SGCZ: variants seen among roughly 807,000 people sequenced by gnomAD.
The protein encoded by SGCZ is zeta-sarcoglycan.
Under a neutral mutation model 41.3 loss-of-function variants are expected in SGCZ, and 40 were observed. The ratio of observed to expected loss-of-function variants is 0.97; its 90% confidence interval spans 0.75 to 1.26. The LOEUF is 1.26. Among genes scored for constraint, SGCZ ranks in the 50% most tolerant of loss-of-function variants. SGCZ has a pLI of 0.00. For missense variants in SGCZ, 552 were observed against 369.8 expected, an observed-to-expected ratio of 1.49 and a Z score of -4.04; for synonymous variants, 206 against 137.5, an observed-to-expected ratio of 1.50 and a Z score of -3.49.
intron 1 of SGCZ, among the ~76,000 whole-genome samples, chr8:14,801,613 T>C (rs530115597): frequency 3.9e-5 from 6 of 152,068 alleles, no homozygotes; most frequent in South Asian, 2.1e-4. Flanking sequence ...GGAAACACCA[T>C]ATAGAATGGC....
intron 2 of SGCZ, among the ~76,000 whole-genome samples, chr8:14,368,286 T>G (rs1446299959): frequency 6.6e-6 from 1 of 152,092 alleles, no homozygotes; most frequent in East Asian, 1.9e-4. Context: ...TTCATTAATC[T>G]TGTCTGGGCA....
chr8:14,270,843 A>G (rs1014994392), intron 3 of SGCZ, among the ~76,000 whole-genome samples: 1 of 152,202 alleles, frequency 6.6e-6, no homozygotes, highest in Non-Finnish European at 1.5e-5. Flanking sequence ...TGTGGCACAT[A>G]TACACCATGG....
At position 14,206,072 on chromosome 8, in the gene SGCZ, C is replaced by A. The variant is rs191472667; in HGVS notation, c.424+31520G>T. On this transcript the variant is annotated intron_variant, in intron 4 of 7. Transcript: ENST00000382080. ...TATATGATTATCTAATTAAACATTT[C>A]TCTACCATTTAACAAAGCAAAAAAA... Among the ~76,000 whole-genome samples the A allele has an allele frequency of 2.0e-5, 3 of 152,172 alleles. No individual in the cohort carries two copies. The East Asian group carries it at 5.8e-4, about 29-fold the overall frequency.
intron 1 of SGCZ, among the ~76,000 whole-genome samples, chr8:14,733,822 T>C (rs1424720429): frequency 6.6e-6 from 1 of 152,178 alleles, no homozygotes; most frequent in African/African-American, 2.4e-5. Context: ...TGCTACAAAA[T>C]AGAATAAATC....
intron 1 of SGCZ, among the ~76,000 whole-genome samples, chr8:14,695,654 T>C (rs1280841687): frequency 6.6e-6 from 1 of 151,900 alleles, no homozygotes; most frequent in South Asian, 2.1e-4. Flanking sequence ...CTATAAAACC[T>C]ACATTACACA....
At chr8:15,043,824 G>A (rs575717381) in intron 1 of SGCZ, among the ~76,000 whole-genome samples, 10 of 152,102 alleles carry the variant, frequency 6.6e-5, no homozygotes, top group Non-Finnish European at 1.2e-4. Flanking sequence ...TCAGTAAACT[G>A]TGGCTCTCAG....
chr8:14,608,998 A>G (rs1034602033), intron 1 of SGCZ, among the ~76,000 whole-genome samples: 1 of 152,222 alleles, frequency 6.6e-6, no homozygotes, highest in Non-Finnish European at 1.5e-5. Context: ...TTTAAAATTT[A>G]TTATTATGTT....
At chr8:14,571,951 T>C (rs1207798759) in intron 1 of SGCZ, among the ~76,000 whole-genome samples, 1 of 152,140 alleles carries the variant, frequency 6.6e-6, no homozygotes, top group Non-Finnish European at 1.5e-5. Context: ...AAAAGGTAGG[T>C]TGGAATGAAT....
intron 5 of SGCZ, among the ~76,000 whole-genome samples, chr8:14,123,762 A>G (rs1802769745): frequency 6.6e-6 from 1 of 152,202 alleles, no homozygotes; most frequent in Non-Finnish European, 1.5e-5. Context: ...AATGGTCTCC[A>G]TCCTAATCCC....
chr8:14,278,678 T>G (rs528239269), intron 3 of SGCZ, among the ~76,000 whole-genome samples: 47 of 152,286 alleles, frequency 3.1e-4, no homozygotes, highest in African/African-American at 1.0e-3. Context: ...TTGCCATTGA[T>G]TTGATATAAT....
chr8:14,649,295 G>C (rs2117450748), intron 1 of SGCZ, among the ~76,000 whole-genome samples: 1 of 152,174 alleles, frequency 6.6e-6, no homozygotes, highest in Middle Eastern at 3.4e-3. Context: ...GCAGACTCTT[G>C]AGCAACTAAG....
chr8:14,800,211 C>A (rs542539939), intron 1 of SGCZ, among the ~76,000 whole-genome samples: 1 of 152,014 alleles, frequency 6.6e-6, no homozygotes, highest in South Asian at 2.1e-4. Context: ...AATATGTGAT[C>A]CTAACACATG....
chr8:14,441,515 C>T (rs986438550), intron 2 of SGCZ, among the ~76,000 whole-genome samples: 1 of 152,132 alleles, frequency 6.6e-6, no homozygotes, highest in African/African-American at 2.4e-5. Flanking sequence ...GTGGAGGTTG[C>T]AGTAAGCCAA....
At position 14,264,451 on chromosome 8, in the gene SGCZ, A is replaced by C. The variant is rs555701131; in HGVS notation, c.337-26772T>G. 5.3e-5 allele frequency among the ~76,000 whole-genome samples: 8 copies of C among 152,214 alleles called. No individual in the cohort carries two copies. The East Asian group carries it at 1.5e-3, about 29-fold the overall frequency. On this transcript the variant is annotated intron_variant, in intron 3 of 7. Coordinates refer to ENST00000382080, the MANE Select transcript of SGCZ (RefSeq NM_139167.4). ...AGAAATCCATGGACCCACATGCCAG[A>C]TTTCCCTTCCTTCAGGAACAAAACA...
chr8:15,107,145 G>C (rs898768257), intron 1 of SGCZ, among the ~76,000 whole-genome samples: 1 of 152,048 alleles, frequency 6.6e-6, no homozygotes, highest in South Asian at 2.1e-4. Context: ...TCATAATTGA[G>C]ATTAGTTTGT....
intron 3 of SGCZ, among the ~76,000 whole-genome samples, chr8:14,268,298 A>G (rs1202400520): frequency 6.7e-6 from 1 of 149,696 alleles, no homozygotes; most frequent in Non-Finnish European, 1.5e-5. Flanking sequence ...ATACATATAT[A>G]TATTTGTTAT....
At chr8:14,515,763 G>T (rs1802602325) in intron 2 of SGCZ, among the ~76,000 whole-genome samples, 1 of 152,002 alleles carries the variant, frequency 6.6e-6, no homozygotes, top group Non-Finnish European at 1.5e-5. Context: ...TTCCAATAAT[G>T]GTAGCTGAGT....
At chr8:14,823,415 C>T (rs769860656) in intron 1 of SGCZ, among the ~76,000 whole-genome samples, 2 of 152,030 alleles carry the variant, frequency 1.3e-5, no homozygotes, top group Non-Finnish European at 1.5e-5. Context: ...AACAAATGGG[C>T]AACAGACCTT....
rs140407857 is a variant in SGCZ, at chr8:14,553,858, C to T, written c.234+874G>A. On this transcript the variant is annotated intron_variant, in intron 2 of 7. Coordinates refer to ENST00000382080, the MANE Select transcript of SGCZ (RefSeq NM_139167.4). ...AGCTTTAGACTCACTCCTGAGGATG[C>T]AGAGTTCTAAAGAATAATAGCAGTC... Among the ~76,000 whole-genome samples, 4 of 152,130 alleles carry T rather than the reference C, an allele frequency of 2.6e-5. No homozygotes were observed. The East Asian group carries it at 7.7e-4, about 29-fold the overall frequency.
Sources: gnomAD v4.1 joint callset for allele counts (sites outside exome capture counted in the v4.1 genomes callset) on GRCh38, gnomAD v4.1.1 for gene constraint, MANE v1.5 for transcripts, NCBI Gene and HGNC (gene_info 2026-07-23, HGNC 2026-07-21) for gene names.